Variants in PLXNC1 observed in about 807,000 individuals in gnomAD.
PLXNC1 encodes the protein plexin C1, also known as plexin-C1.
In PLXNC1, 75 loss-of-function variants were observed where a neutral mutation model predicts 178.2. The ratio of observed to expected loss-of-function variants is 0.42; its 90% CI spans 0.35 to 0.51. The LOEUF is 0.51. Among genes scored for constraint, PLXNC1 ranks in the 20% least tolerant of loss-of-function variants. The probability of loss-of-function intolerance (pLI) is 0.02; values close to 1 mark genes in which losing one functional copy is unlikely to be tolerated. For synonymous variants in PLXNC1, 790 were observed against 779.9 expected (o/e 1.01, Z -0.22); for missense variants, 1,503 against 1,984.4 (o/e 0.76, Z 4.61).
chr12:94,299,322 G>T (rs1407935452), intron 27 of PLXNC1, among the ~76,000 whole-genome samples: 1 of 152,172 alleles, frequency 6.6e-6, no homozygotes, highest in Non-Finnish European at 1.5e-5. Context: ...TGCCTCCTCA[G>T]TAAAGAAATG....
chr12:94,179,767 T>C (rs1048329625), intron 2 of PLXNC1, among the ~76,000 whole-genome samples: 10 of 148,704 alleles, frequency 6.7e-5, no homozygotes, highest in African/African-American at 2.5e-4. Context: ...AAAAATGACA[T>C]GGTCCCTGCG....
chr12:94,281,689 G>C (rs1966454144), intron 22 of PLXNC1: 1 of 152,180 alleles, frequency 6.6e-6, no homozygotes, highest in Non-Finnish European at 1.5e-5. Context: ...CCAAAGTATT[G>C]GGATTATAGG....
At chr12:94,277,193 G>A (rs832512) in intron 21 of PLXNC1, 93,431 of 151,808 alleles carry the variant, frequency 0.62, 28,801 homozygotes, top group Middle Eastern at 0.68. Context: ...TTCCTGCTGG[G>A]TCCTCACATG....
intron 12 of PLXNC1, among the ~76,000 whole-genome samples, chr12:94,247,466 G>A (rs1349577558): frequency 6.6e-6 from 1 of 152,154 alleles, no homozygotes; most frequent in Non-Finnish European, 1.5e-5. Context: ...CTTGCTGAGA[G>A]TTGGACACTT....
At chr12:94,244,284 T>C (rs2136057114) in intron 12 of PLXNC1, among the ~76,000 whole-genome samples, 1 of 152,344 alleles carries the variant, frequency 6.6e-6, no homozygotes, top group Middle Eastern at 3.4e-3. Flanking sequence ...TTTATGTGAT[T>C]TGTGGCAAGT....
chr12:94,245,004 C>T (rs1277148960), intron 12 of PLXNC1, among the ~76,000 whole-genome samples: 1 of 152,218 alleles, frequency 6.6e-6, no homozygotes. Context: ...AAGGCTGACA[C>T]ACTCCCTCCT....
At chr12:94,265,932 G>A (rs966646096) in intron 21 of PLXNC1, among the ~76,000 whole-genome samples, 5 of 152,198 alleles carry the variant, frequency 3.3e-5, no homozygotes, top group African/African-American at 4.8e-5. Flanking sequence ...AGCCAAGCAG[G>A]GAAGGTAACT....
chr12:94,177,242 T>C (rs1190375489), intron 2 of PLXNC1, among the ~76,000 whole-genome samples: 1 of 135,744 alleles, frequency 7.4e-6, no homozygotes, highest in African/African-American at 2.8e-5. Context: ...TATATATATA[T>C]ATATATATAT....
At chr12:94,176,868 G>A (rs1480127734) in intron 2 of PLXNC1, among the ~76,000 whole-genome samples, 5 of 151,542 alleles carry the variant, frequency 3.3e-5, no homozygotes, top group African/African-American at 1.2e-4. Context: ...ATAGATATAT[G>A]TACATATTTC....
chr12:94,259,150 G>A (rs1481694451), intron 17 of PLXNC1, among the ~76,000 whole-genome samples, 187 bp from the exon 18 acceptor site: 5 of 152,260 alleles, frequency 3.3e-5, no homozygotes, highest in African/African-American at 4.8e-5. Flanking sequence ...ATTCAGTGGC[G>A]TTTCTTGAAA....
chr12:94,212,060 G>C (rs1012928031), intron 5 of PLXNC1, among the ~76,000 whole-genome samples: 20 of 151,864 alleles, frequency 1.3e-4, no homozygotes, highest in Non-Finnish European at 2.4e-4. Flanking sequence ...GGATCACGAG[G>C]TCAGGAGATC....
At chr12:94,231,636 T>C (rs1592790261) in intron 9 of PLXNC1, among the ~76,000 whole-genome samples, 2 of 152,274 alleles carry the variant, frequency 1.3e-5, no homozygotes, top group South Asian at 2.1e-4. Context: ...ACGTATAGCG[T>C]CATCTGCCAA....
intron 23 of PLXNC1, among the ~76,000 whole-genome samples, chr12:94,292,057 C>A (rs1194580713): frequency 2.0e-5 from 3 of 152,198 alleles, no homozygotes; most frequent in African/African-American, 4.8e-5. Context: ...ATCGGTAATT[C>A]TTTCCTTTTA....
intron 1 of PLXNC1, among the ~76,000 whole-genome samples, chr12:94,162,196 G>C (rs144067014): frequency 8.5e-5 from 13 of 152,306 alleles, no homozygotes; most frequent in Non-Finnish European, 1.8e-4. Flanking sequence ...ATGTGTCCAC[G>C]AGTAGGTGAC....
chr12:94,294,495 G>A lies in PLXNC1; in HGVS notation c.3889G>A (p.Gly1297Arg), dbSNP rs1261187346. ...TTATCTTTGGTTTCAGATATCAAATGGATCCACTATAAAAGTCTTTAAGAA... is the reference window on the plus strand; with the variant it reads ...TTATCTTTGGTTTCAGATATCAAATAGATCCACTATAAAAGTCTTTAAGAA... ...NTIGHYEISN[G>R]STIKVFKKIA... The change falls in exon 24 of 31, where the codon GGA (glycine) becomes AGA (arginine). Residue 1297 changes from glycine (G) to arginine (R), a missense_variant. This residue lies in a region of PLXNC1 where 639 missense variants were observed against 979.7 expected (regional missense o/e 0.65). Transcript: ENST00000258526. The A allele has an allele frequency of 3.1e-6, 4 of 1,308,304 alleles. No homozygotes were observed. The highest frequency in any genetic ancestry group is 1.7e-5 in the Admixed American group (1 of 57,212). 81.0% of individuals were successfully genotyped at this position (1,308,304 alleles called of 1,614,324 possible).
Position 94,265,084 on chromosome 12 carries a change from T to C in PLXNC1, c.3456T>C (p.Thr1152=), listed in dbSNP as rs1343467529. The change falls in exon 21 of 31, where the codon ACT becomes ACC. Residue 1152 remains threonine, a synonymous_variant. Coordinates refer to ENST00000258526, the MANE Select transcript of PLXNC1 (RefSeq NM_005761.3). ...ACTTTTGTGTCTTTTCCAAGGAGAC[T>C]GTCGGAGAGCCCTTCTATTTGCTGG... is the stretch of plus-strand genomic sequence containing the variant. ...SVCLSGFLRE[T]VGEPFYLLVT... 18 of 1,614,016 alleles carry C rather than the reference T, an allele frequency of 1.1e-5. No individual in the cohort carries two copies. The highest frequency in any genetic ancestry group is 1.4e-5 in the Non-Finnish European group (17 of 1,179,984).
chr12:94,280,789 G>T (rs550257408), intron 22 of PLXNC1, among the ~76,000 whole-genome samples: 2 of 152,322 alleles, frequency 1.3e-5, no homozygotes, highest in South Asian at 4.1e-4. Flanking sequence ...CGACAGTCTT[G>T]GTCCTGCCGC....
intron 23 of PLXNC1, among the ~76,000 whole-genome samples, chr12:94,286,863 C>G (rs73230133): frequency 0.11 from 17,353 of 152,126 alleles, 1,145 homozygotes; most frequent in Non-Finnish European, 0.14. Context: ...GAATGATTTA[C>G]TCTCAGCACA....
At chr12:94,234,084 T>C (rs1964179065) in intron 9 of PLXNC1, among the ~76,000 whole-genome samples, 1 of 152,218 alleles carries the variant, frequency 6.6e-6, no homozygotes, top group Non-Finnish European at 1.5e-5. Flanking sequence ...ATCCGAGAGA[T>C]GTTTTACTGA....
Sources: gnomAD v4.1 joint callset for allele counts (sites outside exome capture counted in the v4.1 genomes callset) on GRCh38, gnomAD v4.1.1 for gene constraint, gnomAD v4.1.1 regional missense constraint, MANE v1.5 for transcripts, NCBI Gene and HGNC (gene_info 2026-07-23, HGNC 2026-07-21) for gene names.